The following GTF2E2 variants were observed in gnomAD, a reference collection of about 807,000 sequenced individuals.
GTF2E2 encodes general transcription factor IIE subunit 2.
Under a neutral mutation model 40.5 loss-of-function variants are expected in GTF2E2, and 21 were observed. That is an observed-to-expected ratio of 0.52 (90% CI 0.37 to 0.75). The LOEUF is 0.75. GTF2E2 is among the 30% of genes least tolerant of loss of function. GTF2E2 has a pLI of 0.00. For synonymous variants in GTF2E2, 117 were observed against 121.6 expected, an observed-to-expected ratio of 0.96 and a Z score of 0.25; for missense variants, 298 against 338.4, an observed-to-expected ratio of 0.88 and a Z score of 0.94.
intron 3 of GTF2E2, among the ~76,000 whole-genome samples, chr8:30,623,812 T>C (rs1801185076): frequency 6.6e-6 from 1 of 152,156 alleles, no homozygotes; most frequent in African/African-American, 2.4e-5. Flanking sequence ...CATAAATGTC[T>C]TCTTTTGAGA....
At chr8:30,628,948 A>AT (rs1563497664) in intron 3 of GTF2E2, among the ~76,000 whole-genome samples, 1 of 151,630 alleles carries the variant, frequency 6.6e-6, no homozygotes, top group Non-Finnish European at 1.5e-5. Context: ...AAAAAAAAAA[A>AT]TTTTACCAGC....
intron 2 of GTF2E2, among the ~76,000 whole-genome samples, chr8:30,650,717 A>G (rs1433461458): frequency 6.6e-6 from 1 of 151,354 alleles, no homozygotes; most frequent in Non-Finnish European, 1.5e-5. Flanking sequence ...CGCTGTCTCG[A>G]AAGAAAACAA....
At chr8:30,600,886 C>T (rs928534520) in intron 6 of GTF2E2, among the ~76,000 whole-genome samples, 9 of 152,194 alleles carry the variant, frequency 5.9e-5, no homozygotes, top group Non-Finnish European at 1.2e-4. Context: ...CTGAAGTGTG[C>T]GCACTCAGAG....
At chr8:30,643,940 T>C (rs1470688407) in intron 2 of GTF2E2, 3 of 152,216 alleles carry the variant, frequency 2.0e-5, no homozygotes, top group Non-Finnish European at 4.4e-5. Context: ...AATAAACATT[T>C]GTTATAAAAA....
chr8:30,619,173 T>C (rs369570440), intron 3 of GTF2E2, among the ~76,000 whole-genome samples: 4 of 151,854 alleles, frequency 2.6e-5, no homozygotes, highest in East Asian at 1.9e-4. Flanking sequence ...ATCTCCTGAC[T>C]TCATGATCCA....
chr8:30,651,113 A>G (rs1404146751), intron 2 of GTF2E2, among the ~76,000 whole-genome samples: 4 of 152,186 alleles, frequency 2.6e-5, no homozygotes, highest in Non-Finnish European at 1.5e-5. Flanking sequence ...CATGCGTAAG[A>G]GTGAAAAACC....
intron 6 of GTF2E2, among the ~76,000 whole-genome samples, chr8:30,601,513 C>A (rs1288427656): frequency 1.3e-5 from 2 of 152,050 alleles, no homozygotes; most frequent in African/African-American, 4.8e-5. Context: ...CTGATCAATG[C>A]CCTACAAGGC....
chr8:30,607,664 T>C (rs1018587315), intron 5 of GTF2E2, among the ~76,000 whole-genome samples: 1 of 152,158 alleles, frequency 6.6e-6, no homozygotes, highest in Non-Finnish European at 1.5e-5. Context: ...TTAGAGGTCT[T>C]CCAAAGAACA....
At chr8:30,599,010 A>G (rs1004614620) in intron 6 of GTF2E2, among the ~76,000 whole-genome samples, 1 of 152,200 alleles carries the variant, frequency 6.6e-6, no homozygotes, top group Admixed American at 6.5e-5. Context: ...AAAATTAATA[A>G]AATAAAAAAC....
intron 6 of GTF2E2, among the ~76,000 whole-genome samples, chr8:30,581,631 A>G (rs1285586124): frequency 2.0e-5 from 3 of 152,254 alleles, no homozygotes; most frequent in Admixed American, 6.5e-5. Flanking sequence ...GTCTCTAAAT[A>G]AGATTTTTTA....
At chr8:30,623,513 T>C (rs1250318595) in intron 3 of GTF2E2, among the ~76,000 whole-genome samples, 1 of 152,124 alleles carries the variant, frequency 6.6e-6, no homozygotes, top group Non-Finnish European at 1.5e-5. Context: ...TGATTTATAA[T>C]CCTTTCGGTA....
At chr8:30,595,753 G>T (rs533612073) in intron 6 of GTF2E2, among the ~76,000 whole-genome samples, 1 of 152,130 alleles carries the variant, frequency 6.6e-6, no homozygotes, top group African/African-American at 2.4e-5. Context: ...GATGAATTGA[G>T]CCCTGGAGGC....
chr8:30,637,307 C>G (rs745668128), intron 2 of GTF2E2: 23 of 456,100 alleles, frequency 5.0e-5, no homozygotes, highest in Non-Finnish European at 9.7e-5. Flanking sequence ...GTGTTAAGGA[C>G]AAACACCACA....
At chr8:30,647,121 A>C (rs542637204) in intron 2 of GTF2E2, among the ~76,000 whole-genome samples, 56 of 152,214 alleles carry the variant, frequency 3.7e-4, no homozygotes, top group African/African-American at 1.3e-3. Flanking sequence ...TAAGGTTTGA[A>C]AACAAATATG....
chr8:30,645,325 T>C (rs1802027280), intron 2 of GTF2E2: 1 of 1,535,190 alleles, frequency 6.5e-7, no homozygotes, highest in Admixed American at 2.0e-5. Context: ...TTCCAGCCAC[T>C]GGAATGAAAC....
intron 6 of GTF2E2, among the ~76,000 whole-genome samples, chr8:30,583,678 C>T (rs1481716569): frequency 1.3e-5 from 2 of 152,130 alleles, no homozygotes; most frequent in Non-Finnish European, 2.9e-5. Flanking sequence ...CTGTGCCCAA[C>T]CTCCAACTTG....
At chr8:30,655,438 C>T (rs1055192689) in intron 1 of GTF2E2, among the ~76,000 whole-genome samples, 2 of 151,832 alleles carry the variant, frequency 1.3e-5, no homozygotes, top group Non-Finnish European at 2.9e-5. Flanking sequence ...GAATTTGACA[C>T]TGTTAAGACT....
chr8:30,602,488 TTTGTTA>T (rs1829210098), intron 6 of GTF2E2, among the ~76,000 whole-genome samples: 1 of 152,108 alleles, frequency 6.6e-6, no homozygotes, highest in Non-Finnish European at 1.5e-5. Context: ...TTACAAATCA[TTTGTTA>T]TAAGAGTGTT....
intron 6 of GTF2E2, among the ~76,000 whole-genome samples, chr8:30,587,263 A>T (rs34535252): frequency 0.35 from 52,893 of 151,774 alleles, 10,148 homozygotes; most frequent in South Asian, 0.55. Flanking sequence ...ATGTTTTAAG[A>T]TTAGCCAAGT....
Sources: allele counts gnomAD v4.1 joint callset (sites outside exome capture counted in the v4.1 genomes callset), GRCh38; gene constraint gnomAD v4.1.1; transcripts MANE v1.5; gene names NCBI Gene and HGNC (gene_info 2026-07-23, HGNC 2026-07-21).